Variants in USP6NL observed in about 807,000 individuals in gnomAD.
The protein encoded by USP6NL is USP6 N-terminal-like protein.
Under a neutral mutation model 61.9 loss-of-function variants are expected in USP6NL, and 26 were observed. That is an observed-to-expected ratio of 0.42 (90% CI 0.31 to 0.58). The LOEUF is 0.58. USP6NL is among the 20% of genes least tolerant of loss of function. The pLI is 0.16. For missense variants in USP6NL, 1,114 were observed against 1,034.3 expected, an observed-to-expected ratio of 1.08 and a Z score of -1.06; for synonymous variants, 432 against 390.1, an observed-to-expected ratio of 1.11 and a Z score of -1.27.
chr10:11,504,804 A>C (rs1181860427), intron 6 of USP6NL, among the ~76,000 whole-genome samples: 1 of 152,220 alleles, frequency 6.6e-6, no homozygotes, highest in Admixed American at 6.5e-5. Context: ...ATCATAAAAC[A>C]CAGTCACATA....
intron 6 of USP6NL, among the ~76,000 whole-genome samples, chr10:11,507,804 T>G (rs1235926058): frequency 6.6e-6 from 1 of 152,182 alleles, no homozygotes; most frequent in African/African-American, 2.4e-5. Context: ...ATGCTTTACA[T>G]CAACTAACTT....
In USP6NL at chr10:11,485,151, T is replaced by G. The variant is rs1292097780; in HGVS notation, c.825+18A>C. On this transcript the variant is annotated intron_variant, in intron 12 of 14. Coordinates refer to ENST00000609104, the MANE Select transcript of USP6NL (RefSeq NM_014688.5). This position sits in a 1 kb window ranked among gnomAD's most constrained non-coding sequence, Gnocchi z 4.8. Reference sequence around the variant, plus strand: ...GTATTTATAATTTTATGACTGAGTTTTGTAAATAAATACTTACACGATCAA... The same window carrying G: ...GTATTTATAATTTTATGACTGAGTTGTGTAAATAAATACTTACACGATCAA... The G allele has an allele frequency of 6.5e-7, 1 of 1,538,600 alleles. No individual in the cohort carries two copies. Among genetic ancestry groups the G allele is most frequent in the East Asian group, 2.4e-5 (1 of 40,962 alleles).
chr10:11,476,445 G>A lies in USP6NL; in HGVS notation c.1078+5325C>T, dbSNP rs1374780325. ...AGTCATTATACATTTCCTTACTTCTGAATATGTTTGAAAAGTTTCACAATA... is the reference window on the plus strand; with the variant it reads ...AGTCATTATACATTTCCTTACTTCTAAATATGTTTGAAAAGTTTCACAATA... On this transcript the variant is annotated intron_variant, in intron 14 of 14. Coordinates refer to ENST00000609104, the MANE Select transcript of USP6NL (RefSeq NM_014688.5). This position sits in a 1 kb window ranked among gnomAD's most constrained non-coding sequence, Gnocchi z 4.3. 1.3e-5 allele frequency among the ~76,000 whole-genome samples: 2 copies of A among 152,056 alleles called. No individual in the cohort carries two copies. The highest frequency in any genetic ancestry group is 4.8e-5 in the African/African-American group (2 of 41,372).
At position 11,574,096 on chromosome 10, in the gene USP6NL, T is replaced by C. The variant is rs955600810; in HGVS notation, c.4+23535A>G. On this transcript the variant is annotated intron_variant, in intron 2 of 14. Transcript: ENST00000609104. The surrounding 1 kb of genome is among the most constrained non-coding windows in gnomAD (Gnocchi z 4.3). The stretch of plus-strand genomic sequence containing the variant: ...ATAAATTTTCACAGTGCATCACAGA[T>C]GCTATGTGCAAGTTTTTAAGTAGTC... 1.3e-5 allele frequency among the ~76,000 whole-genome samples: 2 copies of C among 152,258 alleles called. No individual in the cohort carries two copies. Among genetic ancestry groups the C allele is most frequent in the Non-Finnish European group, 2.9e-5 (2 of 68,052 alleles).
chr10:11,590,386 G>T (rs990724857), intron 2 of USP6NL, among the ~76,000 whole-genome samples: 4 of 152,054 alleles, frequency 2.6e-5, no homozygotes, highest in African/African-American at 9.7e-5. Flanking sequence ...AATTCCCTTA[G>T]TAGAAGACAT....
At chr10:11,541,371 C>T (rs563842780) in intron 2 of USP6NL, among the ~76,000 whole-genome samples, 1 of 149,676 alleles carries the variant, frequency 6.7e-6, no homozygotes, top group South Asian at 2.1e-4. Context: ...AATCCAAATG[C>T]TTTATGTATA....
intron 2 of USP6NL, among the ~76,000 whole-genome samples, chr10:11,545,879 T>C: frequency 6.6e-6 from 1 of 152,260 alleles, no homozygotes; most frequent in African/African-American, 2.4e-5. Context: ...GACTATAGTT[T>C]TGCCAACCAC....
chr10:11,594,307 G>C (rs1211395286), intron 2 of USP6NL, among the ~76,000 whole-genome samples: 1 of 152,162 alleles, frequency 6.6e-6, no homozygotes, highest in East Asian at 1.9e-4. Flanking sequence ...CTGATTCAGA[G>C]GGAGCTTGGA....
rs973312868 is a variant in USP6NL, at chr10:11,496,824, A to G, written c.385-3596T>C. On this transcript the variant is annotated intron_variant, in intron 7 of 14. Coordinates refer to ENST00000609104, the MANE Select transcript of USP6NL (RefSeq NM_014688.5). The surrounding 1 kb of genome is among the most constrained non-coding windows in gnomAD (Gnocchi z 5.4). ...ATAAGGCTATTTGGGCATGTCTAGA[A>G]TAAGTATGTGTATGTTAAGTGTTTT... Among the ~76,000 whole-genome samples the G allele has an allele frequency of 6.6e-6, 1 of 152,162 alleles. No homozygotes were observed.
intron 7 of USP6NL, among the ~76,000 whole-genome samples, chr10:11,500,453 A>G (rs1372624390): frequency 6.6e-6 from 1 of 152,142 alleles, no homozygotes. Flanking sequence ...TAAGATTCTT[A>G]GATGTAAATC....
intron 4 of USP6NL, among the ~76,000 whole-genome samples, chr10:11,523,755 T>C (rs1024102032): frequency 6.6e-6 from 1 of 152,254 alleles, no homozygotes; most frequent in Non-Finnish European, 1.5e-5. Flanking sequence ...TTTTATACCA[T>C]ATTTGGACCA....
rs1472805042 is a variant in USP6NL, at chr10:11,516,492, G to C, written c.195+2043C>G. On this transcript the variant is annotated intron_variant, in intron 5 of 14. Coordinates refer to ENST00000609104, the MANE Select transcript of USP6NL (RefSeq NM_014688.5). ...GAACACAAGAACTTAACTCAAACCT[G>C]AAGAACTTGGGGGAAATCCTGATAA... Among the ~76,000 whole-genome samples the C allele has an allele frequency of 2.6e-5, 4 of 152,200 alleles. No individual in the cohort carries two copies. In the South Asian group the frequency reaches 6.2e-4, roughly 24 times the overall value.
At chr10:11,573,621 C>T in intron 2 of USP6NL, 1 of 398,884 alleles carries the variant, frequency 2.5e-6, no homozygotes, top group Admixed American at 4.4e-5. Context: ...TTCACTGTGG[C>T]TGCTTTTTGC....
intron 1 of USP6NL, among the ~76,000 whole-genome samples, chr10:11,610,119 T>A (rs1447348635): frequency 6.6e-6 from 1 of 152,248 alleles, no homozygotes; most frequent in Non-Finnish European, 1.5e-5. Context: ...TAAGGATACC[T>A]GTACTTGCAA....
chr10:11,545,772 G>A (rs1836249912), intron 2 of USP6NL, among the ~76,000 whole-genome samples: 1 of 152,096 alleles, frequency 6.6e-6, no homozygotes, highest in Non-Finnish European at 1.5e-5. Context: ...ATGTCTTGTA[G>A]GACTTTCATG....
intron 3 of USP6NL, among the ~76,000 whole-genome samples, chr10:11,526,800 G>A (rs561002585): frequency 6.6e-6 from 1 of 152,222 alleles, no homozygotes. Flanking sequence ...GTATAAAGAG[G>A]TATGTCAATT....
chr10:11,462,898 A>C lies in USP6NL; in HGVS notation c.2030T>G (p.Val677Gly), dbSNP rs1027751830. 8.7e-6 allele frequency: 14 copies of C among 1,613,632 alleles called. No homozygotes were observed. The highest frequency in any genetic ancestry group is 8.3e-5 in the Admixed American group (5 of 59,970). ...SRRPHGSTLS[V>G]SASPEKSYSR... ...GTAAGATTTCTCCGGAGAAGCACTG[A>C]CGGAAAGAGTAGAACCATGAGGTCT... is the stretch of plus-strand genomic sequence containing the variant. The change falls in exon 15 of 15, where the codon GTC becomes GGC. Residue 677 changes from valine to glycine, a missense_variant. Val to Gly is a moderately radical substitution (Grantham distance 109). Coordinates refer to ENST00000609104, the MANE Select transcript of USP6NL (RefSeq NM_014688.5).
Position 11,491,591 on chromosome 10 carries a change from T to G in USP6NL, c.495-711A>C, listed in dbSNP as rs1367774537. Among the ~76,000 whole-genome samples the G allele has an allele frequency of 6.6e-6, 1 of 152,164 alleles. No homozygotes were observed. Among genetic ancestry groups the G allele is most frequent in the Non-Finnish European group, 1.5e-5 (1 of 68,026 alleles). Reference sequence around the variant, plus strand: ...ACCAACAGGCAAAGAAGGACGTGGCTGTGTGGGCTGGGGGGATTATCCTGA... The same window carrying G: ...ACCAACAGGCAAAGAAGGACGTGGCGGTGTGGGCTGGGGGGATTATCCTGA... On this transcript the variant is annotated intron_variant, in intron 8 of 14. Transcript: ENST00000609104. The surrounding 1 kb of genome is among the most constrained non-coding windows in gnomAD (Gnocchi z 4.7).
rs1208461470 is a variant in USP6NL at position 11,485,857 on chromosome 10, T to C, written c.719A>G (p.Lys240Arg). Residue 240 changes from lysine (K) to arginine (R), a missense_variant, in exon 11 of 15, where the codon AAA (lysine) becomes AGA (arginine). Transcript: ENST00000609104. This position sits in a 1 kb window ranked among gnomAD's most constrained non-coding sequence, Gnocchi z 4.8. ...KLLRFQEHHE[K>R]ILNKFLSKLK... Reference sequence around the variant, plus strand: ...CTTGGACAGAAATTTGTTCAGTATTTTTTCATGATGTTCTTGAAACCTCAA... The same window carrying C: ...CTTGGACAGAAATTTGTTCAGTATTCTTTCATGATGTTCTTGAAACCTCAA... 1 of 1,557,060 alleles carries C rather than the reference T, an allele frequency of 6.4e-7. No homozygotes were observed. The highest frequency in any genetic ancestry group is 8.7e-7 in the Non-Finnish European group (1 of 1,150,172).
Sources: gnomAD v4.1 joint callset for allele counts (sites outside exome capture counted in the v4.1 genomes callset) on GRCh38, gnomAD v4.1.1 for gene constraint, Gnocchi (gnomAD v3.1) non-coding constraint, MANE v1.5 for transcripts, NCBI Gene and HGNC (gene_info 2026-07-23, HGNC 2026-07-21) for gene names.